Variants in TACC2 observed in about 807,000 individuals in gnomAD.
TACC2 encodes transforming acidic coiled-coil containing protein 2.
In TACC2, 137 loss-of-function variants were observed where a neutral mutation model predicts 227.3. That is an observed-to-expected ratio of 0.60 (90% confidence interval 0.52 to 0.69). The LOEUF is 0.69. Among genes scored for constraint, TACC2 ranks in the 30% least tolerant of loss-of-function variants. TACC2 has a pLI of 0.00. For synonymous variants in TACC2, 1,523 were observed against 1,487.5 expected, an observed-to-expected ratio of 1.02 and a Z score of -0.55; for missense variants, 3,470 against 3,694.4, an observed-to-expected ratio of 0.94 and a Z score of 1.57.
intron 3 of TACC2, among the ~76,000 whole-genome samples, chr10:122,061,010 AAAAAAAAAAGGGGG>A (rs2076733921): frequency 2.3e-5 from 1 of 42,790 alleles, no homozygotes; most frequent in Non-Finnish European, 8.2e-5. Context: ...CAAAAAAAAA[AAAAAAAAAAGGGGG>A]GGGGGCCAGG....
chr10:122,024,221 C>A (rs1050393780), intron 2 of TACC2, among the ~76,000 whole-genome samples: 1 of 152,024 alleles, frequency 6.6e-6, no homozygotes. Context: ...AAAAAATTAG[C>A]TGGGTGTGGT....
At chr10:122,225,683 A>T (rs1056280290) in intron 12 of TACC2, among the ~76,000 whole-genome samples, 1 of 152,198 alleles carries the variant, frequency 6.6e-6, no homozygotes, top group African/African-American at 2.4e-5. Context: ...GATTGAAACC[A>T]CAAGGGGCCC....
At position 122,163,552 on chromosome 10, in the gene TACC2, G is replaced by A. The variant is rs1416992532; in HGVS notation, c.5834+19846G>A. The A allele has an allele frequency of 4.0e-6, 4 of 992,548 alleles. No individual in the cohort carries two copies. The East Asian group carries it at 4.4e-4, about 109-fold the overall frequency. 61.5% of individuals were successfully genotyped at this position (992,548 alleles called of 1,614,324 possible). On this transcript the variant is annotated intron_variant, in intron 7 of 22. Coordinates refer to ENST00000369005, the MANE Select transcript of TACC2 (RefSeq NM_206862.4). The stretch of plus-strand genomic sequence containing the variant: ...GATGCAGGCGTTGGGGCTGCTCGGC[G>A]ATGATGACATCATCGTGTCACACAC...
intron 1 of TACC2, among the ~76,000 whole-genome samples, chr10:122,016,061 G>C (rs769857138): frequency 4.6e-5 from 7 of 151,482 alleles, no homozygotes; most frequent in South Asian, 4.2e-4. Context: ...AGGAATTGGA[G>C]ACCAGCCTGG....
At chr10:122,163,204 C>A (rs942902877) in intron 7 of TACC2, among the ~76,000 whole-genome samples, 1 of 152,136 alleles carries the variant, frequency 6.6e-6, no homozygotes, top group African/African-American at 2.4e-5. Context: ...CTCCCAGCGT[C>A]GCTCCCGCTG....
intron 8 of TACC2, among the ~76,000 whole-genome samples, chr10:122,202,866 G>C (rs895530844): frequency 4.6e-5 from 7 of 150,590 alleles, no homozygotes; most frequent in African/African-American, 7.4e-5. Flanking sequence ...TGACTCTTAA[G>C]GAGCATGCTG....
chr10:122,149,928 G>T (rs1297249494), intron 7 of TACC2, among the ~76,000 whole-genome samples: 1 of 152,198 alleles, frequency 6.6e-6, no homozygotes, highest in African/African-American at 2.4e-5. Flanking sequence ...CCACGTCACC[G>T]GCCGGTGAGA....
intron 8 of TACC2, among the ~76,000 whole-genome samples, chr10:122,200,783 C>T (rs2094783659): frequency 1.4e-5 from 2 of 147,176 alleles, no homozygotes; most frequent in Non-Finnish European, 3.0e-5. Context: ...CCCACAGTGG[C>T]CATGTTCACA....
chr10:122,131,104 G>C (rs2087991524), intron 5 of TACC2, among the ~76,000 whole-genome samples: 1 of 151,556 alleles, frequency 6.6e-6, no homozygotes, highest in South Asian at 2.1e-4. Flanking sequence ...CTTGAGCCTG[G>C]GAAGTTGAGG....
chr10:122,043,797 T>C (rs1348947601), intron 2 of TACC2, among the ~76,000 whole-genome samples: 1 of 152,122 alleles, frequency 6.6e-6, no homozygotes, highest in East Asian at 1.9e-4. Context: ...CCAGCCTGGG[T>C]TCGAACTCCT....
chr10:122,179,536 A>G (rs2093886999), intron 7 of TACC2, among the ~76,000 whole-genome samples: 1 of 152,112 alleles, frequency 6.6e-6, no homozygotes, highest in African/African-American at 2.4e-5. Flanking sequence ...CCCTACTTTT[A>G]TGTGTGACAC....
chr10:122,021,513 C>T (rs189635436), intron 1 of TACC2, among the ~76,000 whole-genome samples: 24 of 152,252 alleles, frequency 1.6e-4, no homozygotes, highest in Admixed American at 1.5e-3. Context: ...CGAGCTCTGC[C>T]GTCACCAACA....
rs766896829 is a variant in TACC2 at position 122,086,749 on chromosome 10, G to A, written c.4249G>A (p.Glu1417Lys). ...DFREHIAKIF[E>K]KPVLGALATP... is the part of the protein sequence containing the mutation. The stretch of plus-strand genomic sequence containing the variant: ...CAGGGAGCACATCGCCAAGATCTTC[G>A]AGAAGCCTGTGCTCGGAGCCCTGGC... Residue 1417 changes from glutamate (E) to lysine (K), a missense_variant, in exon 4 of 23, where the codon GAG becomes AAG. Coordinates refer to ENST00000369005, the MANE Select transcript of TACC2 (RefSeq NM_206862.4). The A allele has an allele frequency of 2.5e-6, 4 of 1,613,800 alleles. No individual in the cohort carries two copies. Among genetic ancestry groups the A allele is most frequent in the Admixed American group, 1.7e-5 (1 of 60,000 alleles).
chr10:122,220,532 T>G (rs2095503563), intron 11 of TACC2, among the ~76,000 whole-genome samples: 1 of 152,138 alleles, frequency 6.6e-6, no homozygotes, highest in South Asian at 2.1e-4. Flanking sequence ...ATACCATTAA[T>G]GTAATGAGGT....
chr10:122,010,593 A>C (rs574516928), intron 1 of TACC2, among the ~76,000 whole-genome samples: 2 of 152,292 alleles, frequency 1.3e-5, no homozygotes, highest in Non-Finnish European at 2.9e-5. Context: ...AGACCAAGAC[A>C]ACACTGGTGG....
chr10:122,032,910 G>A (rs1165099299), intron 2 of TACC2, among the ~76,000 whole-genome samples: 2 of 152,052 alleles, frequency 1.3e-5, no homozygotes, highest in Non-Finnish European at 2.9e-5. Flanking sequence ...AGTGAGCTGA[G>A]ACTGCACCAC....
chr10:122,244,284 C>G (rs1354478142), intron 19 of TACC2, among the ~76,000 whole-genome samples: 1 of 152,152 alleles, frequency 6.6e-6, no homozygotes, highest in African/African-American at 2.4e-5. Context: ...CTGGGTGGCC[C>G]CTGAGACTCC....
At chr10:122,186,343 A>C (rs1593077394) in intron 7 of TACC2, among the ~76,000 whole-genome samples, 1 of 151,756 alleles carries the variant, frequency 6.6e-6, no homozygotes, top group East Asian at 1.9e-4. Flanking sequence ...GTCGTTTGAG[A>C]CCAGCAGGGT....
intron 6 of TACC2, among the ~76,000 whole-genome samples, chr10:122,143,065 G>A (rs1445552164): frequency 2.0e-5 from 3 of 152,198 alleles, no homozygotes; most frequent in African/African-American, 4.8e-5. Flanking sequence ...CCCAGGACAC[G>A]GGTGGCCCAA....
Sources: gnomAD v4.1 joint callset for allele counts (sites outside exome capture counted in the v4.1 genomes callset) on GRCh38, gnomAD v4.1.1 for gene constraint, MANE v1.5 for transcripts, NCBI Gene and HGNC (gene_info 2026-07-23, HGNC 2026-07-21) for gene names.